The following ITGA1 variants were observed in gnomAD, a reference collection of about 807,000 sequenced individuals.
The protein encoded by ITGA1 is integrin subunit alpha 1, also known as integrin alpha-1.
In ITGA1, 85 loss-of-function variants were observed where a neutral mutation model predicts 145.9. The ratio of observed to expected loss-of-function variants is 0.58; its 90% CI spans 0.49 to 0.70. The LOEUF (loss-of-function observed/expected upper bound fraction) is 0.70, where lower values mean the gene tolerates loss of function less well. ITGA1 is among the 30% of genes least tolerant of loss of function. ITGA1 has a pLI of 0.00. For missense variants in ITGA1, 1,351 were observed against 1,418.7 expected, an observed-to-expected ratio of 0.95 and a Z score of 0.77; for synonymous variants, 520 against 495.3, an observed-to-expected ratio of 1.05 and a Z score of -0.66.
At chr5:52,791,892 T>C (rs1305235641) in intron 1 of ITGA1, among the ~76,000 whole-genome samples, 1 of 152,226 alleles carries the variant, frequency 6.6e-6, no homozygotes, top group Non-Finnish European at 1.5e-5. Flanking sequence ...ACAAATCTAC[T>C]CAATTCATAT....
intron 1 of ITGA1, among the ~76,000 whole-genome samples, chr5:52,813,373 T>C (rs1399785586): frequency 1.3e-5 from 2 of 152,202 alleles, no homozygotes; most frequent in African/African-American, 4.8e-5. Context: ...CCTTAACTGC[T>C]CAGCCTGGGT....
intron 1 of ITGA1, among the ~76,000 whole-genome samples, chr5:52,810,757 A>C (rs1748672248): frequency 1.9e-5 from 1 of 51,384 alleles, no homozygotes; most frequent in African/African-American, 7.2e-5. Context: ...TCTAAAACTT[A>C]ATAGAGCTTA....
intron 8 of ITGA1, among the ~76,000 whole-genome samples, chr5:52,888,802 T>A (rs1750097113): frequency 6.6e-6 from 1 of 152,078 alleles, no homozygotes; most frequent in African/African-American, 2.4e-5. Flanking sequence ...GAACAGCAGG[T>A]GAGGGAGCTG....
chr5:52,841,146 G>C (rs1462874993), intron 1 of ITGA1, among the ~76,000 whole-genome samples: 2 of 152,200 alleles, frequency 1.3e-5, no homozygotes, highest in Admixed American at 1.3e-4. Flanking sequence ...TAGGTATCTT[G>C]CTGACATATT....
chr5:52,838,972 C>G (rs114838084), intron 1 of ITGA1, among the ~76,000 whole-genome samples: 19 of 152,066 alleles, frequency 1.2e-4, no homozygotes, highest in African/African-American at 4.6e-4. Flanking sequence ...TGGCATGTGC[C>G]TCTGGTCTTA....
At chr5:52,839,741 G>A (rs1047421287) in intron 1 of ITGA1, among the ~76,000 whole-genome samples, 2 of 152,162 alleles carry the variant, frequency 1.3e-5, no homozygotes, top group Non-Finnish European at 2.9e-5. Context: ...CAGGAAAGCA[G>A]AAATAGTATA....
chr5:52,940,478 A>G (rs6891691), intron 26 of ITGA1, among the ~76,000 whole-genome samples: 129,901 of 149,344 alleles, frequency 0.87, 56,556 homozygotes, highest in Middle Eastern at 0.93. Flanking sequence ...GCACGATCTC[A>G]GCTCACTGCA....
chr5:52,801,197 G>C (rs1368797244), intron 1 of ITGA1: 6 of 1,396,394 alleles, frequency 4.3e-6, no homozygotes, highest in Non-Finnish European at 5.8e-6. Context: ...TTTTAGAACT[G>C]GGAAAAATAA....
chr5:52,893,800 C>T lies in ITGA1; in HGVS notation c.1050C>T (p.Thr350=), dbSNP rs375703921. 2.9e-5 allele frequency: 47 copies of T among 1,612,222 alleles called. No individual in the cohort carries two copies. Among genetic ancestry groups the T allele is most frequent in the Non-Finnish European group, 3.4e-5 (40 of 1,178,804 alleles). Residue 350 remains threonine, a synonymous_variant, in exon 9 of 29, where the codon ACC becomes ACT. Transcript: ENST00000282588. ...FNVSDELALV[T]IVKTLGERIF... ...TCTCTGATGAATTGGCTCTAGTCAC[C>T]ATTGTTAAAACTCTGGGAGAAAGAA...
At chr5:52,925,638 A>G in intron 19 of ITGA1, 151 bp downstream of exon 19, 1 of 616,192 alleles carries the variant, frequency 1.6e-6, no homozygotes, top group East Asian at 2.8e-5. Context: ...GAAAGTATTA[A>G]GCTTTTTAAA....
intron 1 of ITGA1, among the ~76,000 whole-genome samples, chr5:52,809,502 C>CTTTTTT (rs59067853): frequency 2.5e-5 from 3 of 122,436 alleles, no homozygotes; most frequent in Non-Finnish European, 5.1e-5. Flanking sequence ...CTCAACTTTA[C>CTTTTTT]TTTTTTTTTT....
In ITGA1 at chr5:52,889,439, G is replaced by A. The variant is rs752619051; in HGVS notation, c.924+1474G>A. On this transcript the variant is annotated intron_variant, in intron 8 of 28. Coordinates refer to ENST00000282588, the MANE Select transcript of ITGA1 (RefSeq NM_181501.2). ...AATGATACAAATAAACAAGTCTTTC[G>A]TAGATTATAAACAGCAGCACTTTAA... 4.6e-5 allele frequency among the ~76,000 whole-genome samples: 7 copies of A among 152,126 alleles called. No homozygotes were observed. The East Asian group carries it at 5.8e-4, about 13-fold the overall frequency.
At chr5:52,873,839 A>G (rs1000453777) in intron 6 of ITGA1, among the ~76,000 whole-genome samples, 2 of 152,194 alleles carry the variant, frequency 1.3e-5, no homozygotes, top group Non-Finnish European at 2.9e-5. Flanking sequence ...GGAACAATTG[A>G]CTTGGTAATA....
intron 19 of ITGA1, among the ~76,000 whole-genome samples, chr5:52,926,025 T>C (rs1397621335): frequency 6.6e-6 from 1 of 152,168 alleles, no homozygotes; most frequent in Non-Finnish European, 1.5e-5. Flanking sequence ...AGGTAATCAG[T>C]GTTTCCAAAT....
At chr5:52,917,693 T>C (rs546723153) in intron 15 of ITGA1, among the ~76,000 whole-genome samples, 1 of 151,876 alleles carries the variant, frequency 6.6e-6, no homozygotes, top group South Asian at 2.1e-4. Context: ...TTTGTATATA[T>C]GTATGTATGC....
intron 15 of ITGA1, among the ~76,000 whole-genome samples, chr5:52,916,629 A>G (rs1750652120): frequency 6.6e-6 from 1 of 152,066 alleles, no homozygotes; most frequent in Non-Finnish European, 1.5e-5. Context: ...TTTACAATAG[A>G]GGGGAAAGAA....
intron 1 of ITGA1, chr5:52,802,197 T>G (rs1016978450): frequency 2.3e-5 from 4 of 171,788 alleles, no homozygotes; most frequent in Admixed American, 1.7e-4. Flanking sequence ...TTGAAACAGT[T>G]TTCCTTAGAA....
intron 6 of ITGA1, among the ~76,000 whole-genome samples, chr5:52,875,754 A>G (rs915527688): frequency 6.6e-6 from 1 of 152,084 alleles, no homozygotes; most frequent in Non-Finnish European, 1.5e-5. Flanking sequence ...ACCCATTTCT[A>G]TTCATCAAAA....
rs887747011 is a variant in ITGA1, at chr5:52,952,728, T to C, written c.*277T>C. ...TTTTAAAAAAACCTGTACAAATATGTTTATGTATTAAATCACCATCCAAAA... is the reference window on the plus strand; with the variant it reads ...TTTTAAAAAAACCTGTACAAATATGCTTATGTATTAAATCACCATCCAAAA... On this transcript the variant is annotated 3_prime_UTR_variant, in exon 29 of 29. Transcript: ENST00000282588. 11 of 177,254 alleles carry C rather than the reference T, an allele frequency of 6.2e-5. No homozygotes were observed. The highest frequency in any genetic ancestry group is 2.4e-4 in the African/African-American group (10 of 42,532). 11.0% of individuals were successfully genotyped at this position (177,254 alleles called of 1,614,324 possible). A position where few individuals can be genotyped will look rare whatever the true frequency, so the allele number is the denominator to read the frequency against.
Sources: gnomAD v4.1 joint callset for allele counts (sites outside exome capture counted in the v4.1 genomes callset) on GRCh38, gnomAD v4.1.1 for gene constraint, MANE v1.5 for transcripts, NCBI Gene and HGNC (gene_info 2026-07-23, HGNC 2026-07-21) for gene names.